MYO1B: variants seen among roughly 807,000 people sequenced by gnomAD.
The protein encoded by MYO1B is unconventional myosin-Ib.
In MYO1B, 72 loss-of-function variants were observed where a neutral mutation model predicts 159.7. The ratio of observed to expected loss-of-function variants is 0.45; its 90% CI spans 0.37 to 0.55. The LOEUF is 0.55. Among genes scored for constraint, MYO1B ranks in the 20% least tolerant of loss-of-function variants. The pLI is 0.00. For missense variants in MYO1B, 1,062 were observed against 1,364.8 expected (o/e 0.78, Z 3.50); for synonymous variants, 468 against 473.8 (o/e 0.99, Z 0.16).
At chr2:191,414,261 G>T in intron 28 of MYO1B, 81 bp downstream of exon 28, 3 of 1,501,168 alleles carry the variant, frequency 2.0e-6, no homozygotes, top group Middle Eastern at 3.6e-4. Flanking sequence ...GTAAAAATTT[G>T]CATTTCATGT....
intron 21 of MYO1B, among the ~76,000 whole-genome samples, chr2:191,399,970 T>G (rs753774410): frequency 4.6e-5 from 7 of 152,166 alleles, no homozygotes; most frequent in Non-Finnish European, 1.0e-4. Context: ...GTTTTGGAGT[T>G]TTAAAAATAT....
intron 1 of MYO1B, among the ~76,000 whole-genome samples, chr2:191,256,665 C>G (rs1263588123): frequency 6.6e-6 from 1 of 152,136 alleles, no homozygotes. Flanking sequence ...TTTTCTAAAT[C>G]TTCTATAACC....
intron 2 of MYO1B, among the ~76,000 whole-genome samples, chr2:191,293,870 A>T (rs953381154): frequency 6.6e-6 from 1 of 152,208 alleles, no homozygotes; most frequent in Non-Finnish European, 1.5e-5. Flanking sequence ...GCTCTGGTTC[A>T]AACACCTCTA....
intron 7 of MYO1B, among the ~76,000 whole-genome samples, chr2:191,360,343 A>T (rs1693583231): frequency 6.6e-6 from 1 of 152,230 alleles, no homozygotes. Context: ...ATTTAATGTC[A>T]TCATAAAAAA....
At chr2:191,370,358 A>G in intron 13 of MYO1B, 66 bp downstream of exon 13, 1 of 1,100,140 alleles carries the variant, frequency 9.1e-7, no homozygotes. Context: ...TAAATCCTGT[A>G]TTATGTAGAC....
chr2:191,421,143 C>T (rs965505307), intron 30 of MYO1B, among the ~76,000 whole-genome samples: 1 of 150,754 alleles, frequency 6.6e-6, no homozygotes, highest in South Asian at 2.1e-4. Flanking sequence ...GATCTCGGCT[C>T]ACTGCAACCT....
At position 191,392,115 on chromosome 2, in the gene MYO1B, G is replaced by A. The variant is rs980272770; in HGVS notation, c.1990G>A (p.Val664Met). 3 of 1,606,536 alleles carry A rather than the reference G, an allele frequency of 1.9e-6. No homozygotes were observed. The highest frequency in any genetic ancestry group is 2.6e-6 in the Non-Finnish European group (3 of 1,174,534). Residue 664 changes from valine (V) to methionine (M), a missense_variant, in exon 19 of 31, where the codon GTG becomes ATG. Coordinates refer to ENST00000392318, the MANE Select transcript of MYO1B (RefSeq NM_001130158.3). ...TTATTTTTATTTTTTTAGGTCTGGT[G>A]TGGAGGTCCTATTTAATGAATTAGA... ...PHWKGPARSG[V>M]EVLFNELEIP...
At chr2:191,308,910 C>T (rs377470059) in intron 3 of MYO1B, among the ~76,000 whole-genome samples, 2 of 152,200 alleles carry the variant, frequency 1.3e-5, no homozygotes, top group African/African-American at 4.8e-5. Flanking sequence ...GTCTTTCCCC[C>T]GCCTTGCTGG....
intron 30 of MYO1B, among the ~76,000 whole-genome samples, chr2:191,421,920 T>C (rs1255866462): frequency 3.3e-5 from 5 of 152,250 alleles, no homozygotes; most frequent in Admixed American, 2.6e-4. Context: ...AATCTGGAAC[T>C]ATAGCTGTCC....
chr2:191,245,738 C>T (rs1281999605), intron 1 of MYO1B, 112 bp downstream of exon 1: 2 of 152,270 alleles, frequency 1.3e-5, no homozygotes, highest in South Asian at 2.1e-4. Context: ...CCCCGTCGCA[C>T]CCTGCGGGCG....
intron 1 of MYO1B, among the ~76,000 whole-genome samples, chr2:191,271,275 T>A (rs1687440624): frequency 6.6e-6 from 1 of 152,252 alleles, no homozygotes; most frequent in African/African-American, 2.4e-5. Flanking sequence ...CTGCTAATGA[T>A]GTTATAATAT....
At chr2:191,353,631 G>A (rs1170887986) in intron 7 of MYO1B, among the ~76,000 whole-genome samples, 2 of 152,120 alleles carry the variant, frequency 1.3e-5, no homozygotes, top group African/African-American at 2.4e-5. Flanking sequence ...GGGCATACCC[G>A]TGAGCCTACT....
intron 7 of MYO1B, among the ~76,000 whole-genome samples, chr2:191,353,598 C>T (rs1310136098): frequency 1.3e-5 from 2 of 152,106 alleles, no homozygotes; most frequent in Non-Finnish European, 1.5e-5. Context: ...CGGGCAGGCT[C>T]TTTTTTCCTT....
chr2:191,389,309 ATTAG>A lies in MYO1B; in HGVS notation c.1782-978_1782-975del, dbSNP rs572939709. 3.9e-3 allele frequency among the ~76,000 whole-genome samples: 601 copies of A among 152,352 alleles called. 2 individuals are homozygous for A. Among genetic ancestry groups the A allele is most frequent in the African/African-American group, 0.014 (577 of 41,588 alleles). On this transcript the variant is annotated intron_variant, in intron 17 of 30. Transcript: ENST00000392318. ...CAGCCATAATCATGAATGTTTAAGT[ATTAG>A]TTAGGACACAGGGATTGCTGCAGTA...
intron 21 of MYO1B, among the ~76,000 whole-genome samples, chr2:191,398,471 C>G (rs950018242): frequency 1.4e-5 from 2 of 142,054 alleles, no homozygotes; most frequent in Admixed American, 1.4e-4. Flanking sequence ...ACTTCCCAGA[C>G]GGGGTGGCTG....
At chr2:191,398,276 G>C (rs1435111798) in intron 21 of MYO1B, among the ~76,000 whole-genome samples, 1 of 97,102 alleles carries the variant, frequency 1.0e-5, no homozygotes, top group Non-Finnish European at 2.3e-5. Context: ...CGGACGGGGC[G>C]GCTGGCCGGG....
intron 7 of MYO1B, among the ~76,000 whole-genome samples, chr2:191,355,425 A>G (rs1202325798): frequency 6.6e-6 from 1 of 152,256 alleles, no homozygotes; most frequent in Non-Finnish European, 1.5e-5. Flanking sequence ...TCCCTCACCC[A>G]GTTTGGAAGC....
intron 7 of MYO1B, among the ~76,000 whole-genome samples, chr2:191,357,227 G>C (rs1361479312): frequency 2.0e-5 from 3 of 152,032 alleles, no homozygotes; most frequent in Non-Finnish European, 2.9e-5. Flanking sequence ...TGCAGCCTTA[G>C]ACTATTTCTT....
chr2:191,375,945 C>T lies in MYO1B; in HGVS notation c.1186-5517C>T, dbSNP rs113874464. On this transcript the variant is annotated intron_variant, in intron 13 of 30. Transcript: ENST00000392318. ...CTGCACTCCAGCCTGGGCAACAGAG[C>T]GAGACTCCGTATCAAAAAAAAAAAA... Among the ~76,000 whole-genome samples, 962 of 146,364 alleles carry T rather than the reference C, an allele frequency of 6.6e-3. 9 individuals carry two copies. The highest frequency in any genetic ancestry group is 0.023 in the African/African-American group (911 of 38,954).
Sources: gnomAD v4.1 joint callset for allele counts (sites outside exome capture counted in the v4.1 genomes callset) on GRCh38, gnomAD v4.1.1 for gene constraint, MANE v1.5 for transcripts, NCBI Gene and HGNC (gene_info 2026-07-23, HGNC 2026-07-21) for gene names.